The following AJAP1 variants were observed in gnomAD, a reference collection of about 807,000 sequenced individuals.
AJAP1 encodes the protein adherens junctions associated protein 1, also known as adherens junction-associated protein 1.
AJAP1 carries 5 observed loss-of-function variants against 35.0 expected under a neutral mutation model. The observed-to-expected ratio is 0.14, with a 90% CI of 0.07 to 0.30. The LOEUF (loss-of-function observed/expected upper bound fraction) is 0.30. AJAP1 is among the 10% of genes least tolerant of loss of function. The probability of loss-of-function intolerance (pLI) is 1.00; values close to 1 mark genes in which losing one functional copy is unlikely to be tolerated. For missense variants in AJAP1, 586 were observed against 571.0 expected, an observed-to-expected ratio of 1.03 and a Z score of -0.27; for synonymous variants, 284 against 249.3, an observed-to-expected ratio of 1.14 and a Z score of -1.31.
chr1:4,753,603 G>A (rs897969796), intron 2 of AJAP1, among the ~76,000 whole-genome samples: 13 of 151,820 alleles, frequency 8.6e-5, no homozygotes, highest in East Asian at 1.9e-4. Flanking sequence ...ATGGAGTTTC[G>A]TTCTTGTCAC....
chr1:4,735,989 A>G (rs1392415683), intron 2 of AJAP1, among the ~76,000 whole-genome samples: 1 of 152,222 alleles, frequency 6.6e-6, no homozygotes, highest in African/African-American at 2.4e-5. Context: ...TTAAGGCCCC[A>G]GATCAGCTCC....
chr1:4,726,192 G>A (rs1488233544), intron 2 of AJAP1, among the ~76,000 whole-genome samples: 1 of 152,072 alleles, frequency 6.6e-6, no homozygotes, highest in Non-Finnish European at 1.5e-5. Flanking sequence ...TGGGCACAGG[G>A]GCAGGCCCTG....
At chr1:4,777,223 C>G (rs960760413) in intron 5 of AJAP1, among the ~76,000 whole-genome samples, 1 of 152,198 alleles carries the variant, frequency 6.6e-6, no homozygotes, top group Non-Finnish European at 1.5e-5. Flanking sequence ...AATACTAAAA[C>G]ATTTAATTAA....
intron 1 of AJAP1, among the ~76,000 whole-genome samples, chr1:4,666,003 T>G (rs955954669): frequency 1.3e-5 from 2 of 152,180 alleles, no homozygotes; most frequent in African/African-American, 4.8e-5. Flanking sequence ...ATGGGGTGGC[T>G]GCCGTTTACG....
At chr1:4,762,628 A>G (rs61513210) in intron 2 of AJAP1, among the ~76,000 whole-genome samples, 42,612 of 152,158 alleles carry the variant, frequency 0.28, 6,482 homozygotes, top group Admixed American at 0.36. Context: ...ACTCTGTCCC[A>G]TGCCTGTCTT....
rs1172231013 is a variant in AJAP1, at chr1:4,783,516, T to A, written c.*1031T>A. The A allele has an allele frequency of 1.5e-3, 190 of 129,058 alleles. No individual in the cohort carries two copies. Among genetic ancestry groups the A allele is most frequent in the Non-Finnish European group, 2.6e-3 (160 of 62,738 alleles). 8.0% of individuals were successfully genotyped at this position (129,058 alleles called of 1,614,324 possible). ...ATATATATATATATATATATGTTTG[T>A]GTGTGTATATATATATATATATATA... On this transcript the variant is annotated 3_prime_UTR_variant, in exon 6 of 6. Transcript: ENST00000378191.
chr1:4,765,461 G>A (rs983196027), intron 2 of AJAP1, among the ~76,000 whole-genome samples: 3 of 77,518 alleles, frequency 3.9e-5, no homozygotes, highest in African/African-American at 1.8e-4. Context: ...TGTTATTTAA[G>A]GCGAGAGTAT....
In AJAP1 at chr1:4,774,163, G is replaced by A. The variant is rs116970518; in HGVS notation, c.1164-264G>A. 4.7e-3 allele frequency among the ~76,000 whole-genome samples: 710 copies of A among 152,292 alleles called. 46 individuals carry two copies. The South Asian group carries it at 0.12, about 25-fold the overall frequency. On this transcript the variant is annotated intron_variant, in intron 4 of 5. Coordinates refer to ENST00000378191, the MANE Select transcript of AJAP1 (RefSeq NM_018836.4). ...AAATGTGGAGACGGCACAGCCTTCC[G>A]GCCTGTGCAGCAAAGTGCTCGTGTG...
At chr1:4,772,570 T>A in intron 4 of AJAP1, 45 bp downstream of exon 4, 1 of 1,602,044 alleles carries the variant, frequency 6.2e-7, no homozygotes, top group Non-Finnish European at 8.5e-7. Context: ...AAGCTCTTGG[T>A]GCTCCTGACC....
At chr1:4,772,662 G>T in intron 4 of AJAP1, 137 bp downstream of exon 4, 1 of 1,297,778 alleles carries the variant, frequency 7.7e-7, no homozygotes, top group Admixed American at 2.6e-5. Context: ...CCCAGCCAAG[G>T]CGGACAGCTA....
intron 1 of AJAP1, among the ~76,000 whole-genome samples, chr1:4,659,785 C>T (rs1245640357): frequency 6.6e-6 from 1 of 152,170 alleles, no homozygotes; most frequent in Non-Finnish European, 1.5e-5. Flanking sequence ...AAATTGAGGA[C>T]TAGCTAAAAC....
rs55794184 is a variant in AJAP1 at position 4,783,831 on chromosome 1, C to G, written c.*1346C>G. The G allele has an allele frequency of 6.6e-6, 1 of 152,000 alleles. No homozygotes were observed. Among genetic ancestry groups the G allele is most frequent in the Non-Finnish European group, 1.5e-5 (1 of 68,002 alleles). 9.4% of individuals were successfully genotyped at this position (152,000 alleles called of 1,614,324 possible). ...AATATCAGGGCAGAACTTAGACATA[C>G]GTGAAGGGCCCCGGTTGGTTTGAAA... is the stretch of plus-strand genomic sequence containing the variant. On this transcript the variant is annotated 3_prime_UTR_variant, in exon 6 of 6. Coordinates refer to ENST00000378191, the MANE Select transcript of AJAP1 (RefSeq NM_018836.4).
At chr1:4,717,061 G>T (rs1438654881) in intron 2 of AJAP1, among the ~76,000 whole-genome samples, 2 of 152,228 alleles carry the variant, frequency 1.3e-5, no homozygotes, top group Non-Finnish European at 2.9e-5. Flanking sequence ...GCTCCCCACA[G>T]TGCAGCCCCA....
chr1:4,717,687 T>G (rs1640426782), intron 2 of AJAP1, among the ~76,000 whole-genome samples: 1 of 152,180 alleles, frequency 6.6e-6, no homozygotes, highest in Non-Finnish European at 1.5e-5. Flanking sequence ...CTGGTGTCAT[T>G]TTCTCTGCAC....
intron 1 of AJAP1, among the ~76,000 whole-genome samples, chr1:4,662,712 G>A (rs1639027594): frequency 6.6e-6 from 1 of 152,214 alleles, no homozygotes; most frequent in South Asian, 2.1e-4. Context: ...GGGTGGGATA[G>A]GCTCCTCCCT....
At chr1:4,696,374 T>C (rs113043503) in intron 1 of AJAP1, among the ~76,000 whole-genome samples, 4,780 of 152,286 alleles carry the variant, frequency 0.031, 261 homozygotes, top group African/African-American at 0.11. Flanking sequence ...CCGGATGCGA[T>C]GATCTCATTA....
intron 1 of AJAP1, among the ~76,000 whole-genome samples, chr1:4,660,623 C>T (rs1392815618): frequency 6.6e-6 from 1 of 152,060 alleles, no homozygotes; most frequent in African/African-American, 2.4e-5. Flanking sequence ...GACTGGCAAG[C>T]ATGGGCACAC....
intron 2 of AJAP1, among the ~76,000 whole-genome samples, chr1:4,764,122 C>T (rs780451622): frequency 3.3e-5 from 5 of 152,104 alleles, no homozygotes; most frequent in Non-Finnish European, 7.4e-5. Flanking sequence ...TGGGATTTTT[C>T]GGCCTTCATA....
rs1272755347 is a variant in AJAP1 at position 4,786,879 on chromosome 1, T to C, written c.*4394T>C. The C allele has an allele frequency of 6.6e-6, 1 of 152,260 alleles. No individual in the cohort carries two copies. The highest frequency in any genetic ancestry group is 1.9e-4 in the East Asian group (1 of 5,182). 9.4% of individuals were successfully genotyped at this position (152,260 alleles called of 1,614,324 possible). A position where few individuals can be genotyped will look rare whatever the true frequency, so the allele number is the denominator to read the frequency against. On this transcript the variant is annotated 3_prime_UTR_variant, in exon 6 of 6. Coordinates refer to ENST00000378191, the MANE Select transcript of AJAP1 (RefSeq NM_018836.4). ...CTGTTGACACCATCACCCTCTTTCA[T>C]CAAGGTGATCTCTTTCATCAGGGCA... is the stretch of plus-strand genomic sequence containing the variant.
Sources: gnomAD v4.1 joint callset for allele counts (sites outside exome capture counted in the v4.1 genomes callset) on GRCh38, gnomAD v4.1.1 for gene constraint, MANE v1.5 for transcripts, NCBI Gene and HGNC (gene_info 2026-07-23, HGNC 2026-07-21) for gene names.